The following MTMR7 variants were observed in gnomAD, a reference collection of about 807,000 sequenced individuals.
MTMR7 encodes the protein myotubularin related protein 7.
A neutral mutation model predicts 81.2 loss-of-function variants in MTMR7; 76 were observed. The ratio of observed to expected loss-of-function variants is 0.94; its 90% CI spans 0.78 to 1.13. The LOEUF is 1.13. Ranked by LOEUF, MTMR7 falls within the 50% of genes most tolerant of loss-of-function variation. MTMR7 has a pLI of 0.00. For missense variants in MTMR7, 1,044 were observed against 820.0 expected (o/e 1.27, Z -3.34); for synonymous variants, 372 against 289.8 (o/e 1.28, Z -2.88).
intron 4 of MTMR7, 49 bp downstream of exon 4, chr8:17,361,068 T>G: frequency 4.4e-6 from 7 of 1,603,700 alleles, no homozygotes; most frequent in Non-Finnish European, 5.1e-6. Context: ...CTAAGCTGGC[T>G]GAAACCCTAA....
chr8:17,326,161 G>A (rs1217249585), intron 7 of MTMR7, among the ~76,000 whole-genome samples: 1 of 152,134 alleles, frequency 6.6e-6, no homozygotes, highest in Non-Finnish European at 1.5e-5. Context: ...TACCTCGAGA[G>A]GCAGAAAAGC....
chr8:17,328,574 G>T (rs956992980), intron 7 of MTMR7, among the ~76,000 whole-genome samples: 3 of 152,086 alleles, frequency 2.0e-5, no homozygotes, highest in South Asian at 2.1e-4. Context: ...TGGCGGGGGT[G>T]GGGGAGTGGA....
At chr8:17,335,887 G>A (rs545042687) in intron 6 of MTMR7, among the ~76,000 whole-genome samples, 5 of 152,298 alleles carry the variant, frequency 3.3e-5, no homozygotes, top group Non-Finnish European at 7.3e-5. Context: ...GCTCTTCCCC[G>A]CCGCCTTACA....
At chr8:17,338,227 C>T (rs1466924492) in intron 6 of MTMR7, among the ~76,000 whole-genome samples, 4 of 152,316 alleles carry the variant, frequency 2.6e-5, no homozygotes, top group East Asian at 1.9e-4. Context: ...TCAAACTCAT[C>T]GCTGAGAGTA....
chr8:17,358,250 G>A (rs1819954816), intron 4 of MTMR7, among the ~76,000 whole-genome samples: 1 of 152,098 alleles, frequency 6.6e-6, no homozygotes, highest in African/African-American at 2.4e-5. Flanking sequence ...CTCTGACAAA[G>A]AGAAAGAAAC....
intron 10 of MTMR7, among the ~76,000 whole-genome samples, chr8:17,308,349 A>G (rs903264625): frequency 1.7e-4 from 26 of 152,312 alleles, no homozygotes; most frequent in African/African-American, 6.0e-4. Context: ...CATGTTAAGA[A>G]GTTTATCTAA....
rs1379744197 is a variant in MTMR7 at position 17,297,815 on chromosome 8, ACCTTT to A, written c.*2042_*2046del. ...AAAGTTTTAATAAGCAATAAATGTA[ACCTTT>A]TATATAAATCTCAGTGCTAGGTTAA... On this transcript the variant is annotated 3_prime_UTR_variant, in exon 14 of 14. Transcript: ENST00000180173. 2 of 151,528 alleles carry A rather than the reference ACCTTT, an allele frequency of 1.3e-5. No homozygotes were observed. The highest frequency in any genetic ancestry group is 1.3e-4 in the Admixed American group (2 of 15,134). The allele number at this position is 151,528 out of a possible 1,614,324, so 9.4% of individuals were successfully genotyped here. A position where few individuals can be genotyped will look rare whatever the true frequency, so the allele number is the denominator to read the frequency against.
At chr8:17,398,616 G>T (rs1251257872) in intron 1 of MTMR7, among the ~76,000 whole-genome samples, 1 of 152,106 alleles carries the variant, frequency 6.6e-6, no homozygotes, top group African/African-American at 2.4e-5. Context: ...GGTAGAGAAA[G>T]AAATGGGAAT....
At position 17,361,692 on chromosome 8, in the gene MTMR7, C is replaced by A. The variant is rs563390296; in HGVS notation, c.311-418G>T. On this transcript the variant is annotated intron_variant, in intron 3 of 13. Coordinates refer to ENST00000180173, the MANE Select transcript of MTMR7 (RefSeq NM_004686.5). ...TGGGATGGCCTCTCAGAGGCAGACA[C>A]AAGGCCCAGGCCAATTGCACATTTT... Among the ~76,000 whole-genome samples, 195 of 152,088 alleles carry A rather than the reference C, an allele frequency of 1.3e-3. 1 individual carries two copies. Among genetic ancestry groups the A allele is most frequent in the African/African-American group, 4.1e-3 (172 of 41,458 alleles).
chr8:17,407,065 C>T (rs570549663), intron 1 of MTMR7, among the ~76,000 whole-genome samples: 2 of 151,928 alleles, frequency 1.3e-5, no homozygotes, highest in African/African-American at 2.4e-5. Flanking sequence ...TGTGAATATA[C>T]CAAAAAATCA....
chr8:17,358,183 A>G (rs1389036733), intron 4 of MTMR7, among the ~76,000 whole-genome samples: 1 of 152,226 alleles, frequency 6.6e-6, no homozygotes, highest in African/African-American at 2.4e-5. Flanking sequence ...TAAAAAGACA[A>G]AACATTTACA....
rs1817651889 is a variant in MTMR7 at position 17,309,180 on chromosome 8, C to G, written c.1151+97G>C. On this transcript the variant is annotated intron_variant, in intron 10 of 13. Coordinates refer to ENST00000180173, the MANE Select transcript of MTMR7 (RefSeq NM_004686.5). Reference sequence around the variant, plus strand: ...GCTTTCTGAATAAGAGACACAAACTCAAAAAACAAGACGATTTTCCCCTAA... The same window carrying G: ...GCTTTCTGAATAAGAGACACAAACTGAAAAAACAAGACGATTTTCCCCTAA... 5 of 847,180 alleles carry G rather than the reference C, an allele frequency of 5.9e-6. No individual in the cohort carries two copies. The East Asian group carries it at 9.9e-5, about 17-fold the overall frequency. 52.5% of individuals were successfully genotyped at this position (847,180 alleles called of 1,614,324 possible). A position where few individuals can be genotyped will look rare whatever the true frequency, so the allele number is the denominator to read the frequency against.
intron 1 of MTMR7, among the ~76,000 whole-genome samples, chr8:17,394,203 G>C (rs141117406): frequency 1.2e-3 from 185 of 152,266 alleles, no homozygotes; most frequent in African/African-American, 4.0e-3. Flanking sequence ...ATATACCCAA[G>C]AGAACTGATA....
intron 7 of MTMR7, among the ~76,000 whole-genome samples, chr8:17,319,668 T>C (rs1022618541): frequency 5.3e-5 from 8 of 152,226 alleles, no homozygotes; most frequent in South Asian, 2.1e-4. Flanking sequence ...AAGGCACTTA[T>C]TATTCTCATT....
At chr8:17,400,095 T>G (rs1409667547) in intron 1 of MTMR7, among the ~76,000 whole-genome samples, 2 of 151,676 alleles carry the variant, frequency 1.3e-5, no homozygotes, top group African/African-American at 4.8e-5. Flanking sequence ...AGATGAAGTA[T>G]GGTTTCTCAT....
At position 17,331,162 on chromosome 8, in the gene MTMR7, T is replaced by G; in HGVS notation, c.853A>C (p.Lys285Gln). 6.2e-7 allele frequency: 1 copy of G among 1,611,050 alleles called. No homozygotes were observed. The highest frequency in any genetic ancestry group is 8.5e-7 in the Non-Finnish European group (1 of 1,179,234). ...NIHVMRNSLQ[K>Q]MLEVCELKSP... ...GGAAATGGTTTACCTTCCAGCATTT[T>G]CTGCAGACTGTTCCTCATGACATGG... The change falls in exon 7 of 14, where the codon AAA becomes CAA. Residue 285 changes from lysine to glutamine, a missense_variant. By Grantham distance (53) the Lys-to-Gln change is moderately conservative (BLOSUM62 1). Transcript: ENST00000180173.
intron 3 of MTMR7, among the ~76,000 whole-genome samples, chr8:17,365,070 A>C (rs1316341180): frequency 6.6e-6 from 1 of 152,174 alleles, no homozygotes; most frequent in Non-Finnish European, 1.5e-5. Context: ...CACCCTTGCC[A>C]AAGCTTTGTT....
intron 6 of MTMR7, among the ~76,000 whole-genome samples, chr8:17,341,156 T>A (rs1035372457): frequency 6.6e-6 from 1 of 152,202 alleles, no homozygotes; most frequent in Non-Finnish European, 1.5e-5. Context: ...AGGGGAAATA[T>A]GAAATGTACT....
intron 1 of MTMR7, among the ~76,000 whole-genome samples, chr8:17,383,787 C>T (rs777572746): frequency 8.0e-5 from 12 of 150,858 alleles, no homozygotes; most frequent in South Asian, 2.1e-4. Context: ...TCGGTTCTCC[C>T]GGTGGTCGAG....
Sources: gnomAD v4.1 joint callset for allele counts (sites outside exome capture counted in the v4.1 genomes callset) on GRCh38, gnomAD v4.1.1 for gene constraint, MANE v1.5 for transcripts, NCBI Gene and HGNC (gene_info 2026-07-23, HGNC 2026-07-21) for gene names.